The following SGF29 variants were observed in gnomAD, a reference collection of about 807,000 sequenced individuals.
SGF29 encodes the protein SAGA complex associated factor 29, also known as SAGA-associated factor 29.
Under a neutral mutation model 38.1 loss-of-function variants are expected in SGF29, and 15 were observed. The observed-to-expected ratio is 0.39, with a 90% CI of 0.26 to 0.61. SGF29 has a LOEUF of 0.61. Among genes scored for constraint, SGF29 ranks in the 20% least tolerant of loss-of-function variants. SGF29 has a pLI of 0.49. For synonymous variants in SGF29, 151 were observed against 160.8 expected, an observed-to-expected ratio of 0.94 and a Z score of 0.46; for missense variants, 184 against 394.6, an observed-to-expected ratio of 0.47 and a Z score of 4.52.
intron 2 of SGF29, among the ~76,000 whole-genome samples, chr16:28,582,542 C>CGCAGGGCA (rs2046932323): frequency 6.6e-6 from 1 of 152,100 alleles, no homozygotes; most frequent in Non-Finnish European, 1.5e-5. Flanking sequence ...GGGGAGACTG[C>CGCAGGGCA]GCAGGGCAGA....
rs77866277 is a variant in SGF29 at position 28,557,001 on chromosome 16, G to A, written c.-16+2904G>A. On this transcript the variant is annotated intron_variant, in intron 1 of 9. Transcript: ENST00000317058. ...TGAGAGTGTGGGATGTGAGTGTGGG[G>A]TATTAGGTTCCTCTTTCCCTTTGAC... is the stretch of plus-strand genomic sequence containing the variant. Among the ~76,000 whole-genome samples, 246 of 152,220 alleles carry A rather than the reference G, an allele frequency of 1.6e-3. 1 individual carries two copies. The highest frequency in any genetic ancestry group is 5.6e-3 in the African/African-American group (233 of 41,518).
chr16:28,580,703 G>T (rs915509508), intron 1 of SGF29, among the ~76,000 whole-genome samples: 3 of 152,158 alleles, frequency 2.0e-5, no homozygotes, highest in African/African-American at 7.2e-5. Context: ...CTTTTAAAGG[G>T]ATAGGGTGTC....
At chr16:28,562,809 T>A (rs1223038851) in intron 1 of SGF29, among the ~76,000 whole-genome samples, 5 of 136,038 alleles carry the variant, frequency 3.7e-5, no homozygotes, top group Non-Finnish European at 7.6e-5. Flanking sequence ...GAGGCTGAGG[T>A]GGGAGGATCA....
At chr16:28,575,574 A>G (rs1457139408) in intron 1 of SGF29, among the ~76,000 whole-genome samples, 1 of 152,146 alleles carries the variant, frequency 6.6e-6, no homozygotes, top group Non-Finnish European at 1.5e-5. Flanking sequence ...AATCCCAGCT[A>G]CTCAGGAGGC....
At chr16:28,572,084 A>G (rs1408436979) in intron 1 of SGF29, among the ~76,000 whole-genome samples, 2 of 150,066 alleles carry the variant, frequency 1.3e-5, no homozygotes, top group Admixed American at 6.6e-5. Context: ...GGTTCACGCC[A>G]TTCTGCCTCA....
intron 1 of SGF29, among the ~76,000 whole-genome samples, chr16:28,572,891 A>G (rs549597133): frequency 7.9e-4 from 118 of 149,280 alleles, no homozygotes; most frequent in African/African-American, 2.7e-3. Context: ...AACTCCCCCC[A>G]GCCACGTGTT....
chr16:28,564,727 ACATATATATGTATATATG>A (rs1567286008), intron 1 of SGF29, among the ~76,000 whole-genome samples: 8 of 40,454 alleles, frequency 2.0e-4, no homozygotes, highest in East Asian at 6.3e-4. Flanking sequence ...GTATATATAT[ACATATATATGTATATATG>A]TATATATATG....
At chr16:28,591,393 T>G (rs2046989702) in intron 9 of SGF29, among the ~76,000 whole-genome samples, 197 bp from the exon 10 acceptor site, 1 of 152,184 alleles carries the variant, frequency 6.6e-6, no homozygotes, top group Admixed American at 6.5e-5. Context: ...ATTCCCTGCC[T>G]TGGGTCTCCA....
intron 1 of SGF29, among the ~76,000 whole-genome samples, chr16:28,558,458 T>C (rs1431525189): frequency 6.6e-6 from 1 of 151,978 alleles, no homozygotes; most frequent in African/African-American, 2.4e-5. Flanking sequence ...AGAGCCTCGC[T>C]ATGTTGACAA....
chr16:28,579,260 T>C (rs1334906514), intron 1 of SGF29, among the ~76,000 whole-genome samples: 2 of 147,350 alleles, frequency 1.4e-5, no homozygotes, highest in African/African-American at 5.0e-5. Context: ...TAATTATCTT[T>C]TTTTTTTTTT....
chr16:28,554,965 C>G (rs1012459121), intron 1 of SGF29, among the ~76,000 whole-genome samples: 5 of 152,214 alleles, frequency 3.3e-5, no homozygotes, highest in African/African-American at 1.2e-4. Context: ...TCTGGCTTCT[C>G]CTCTGCTGAT....
At chr16:28,564,808 A>AACAC (rs1161981851) in intron 1 of SGF29, among the ~76,000 whole-genome samples, 2 of 134,156 alleles carry the variant, frequency 1.5e-5, no homozygotes, top group African/African-American at 2.8e-5. Flanking sequence ...CACACACACA[A>AACAC]ACACACACAC....
At chr16:28,564,737 GTATATATGTA>G (rs1485819817) in intron 1 of SGF29, among the ~76,000 whole-genome samples, 19 of 11,352 alleles carry the variant, frequency 1.7e-3, no homozygotes, top group Middle Eastern at 0.1. Context: ...ACATATATAT[GTATATATGTA>G]TATATATGTA....
chr16:28,564,722 T>C (rs867570709), intron 1 of SGF29, among the ~76,000 whole-genome samples: 1 of 79,880 alleles, frequency 1.3e-5, no homozygotes, highest in South Asian at 3.8e-4. Context: ...TATATGTATA[T>C]ATATACATAT....
chr16:28,590,687 A>T lies in SGF29; in HGVS notation c.602+21A>T, dbSNP rs780459759. On this transcript the variant is annotated intron_variant, in intron 8 of 9. Transcript: ENST00000317058. This position sits in a 1 kb window ranked among gnomAD's most constrained non-coding sequence, Gnocchi z 8.2. The stretch of plus-strand genomic sequence containing the variant: ...AAAGAGTGAGTGTCCAGGCCAGGGC[A>T]GGGCATGGAGCCTGGGGGCAGCCTA... The T allele has an allele frequency of 1.4e-5, 22 of 1,613,996 alleles. 1 individual carries two copies. Among genetic ancestry groups the T allele is most frequent in the Non-Finnish European group, 1.9e-5 (22 of 1,179,972 alleles).
At chr16:28,579,090 A>G (rs1455921815) in intron 1 of SGF29, among the ~76,000 whole-genome samples, 2 of 152,010 alleles carry the variant, frequency 1.3e-5, no homozygotes, top group Non-Finnish European at 2.9e-5. Context: ...CCCAGCTTGA[A>G]CAAACTTTGT....
intron 1 of SGF29, among the ~76,000 whole-genome samples, chr16:28,571,591 TAAAAA>T (rs143979584): frequency 1.6e-5 from 2 of 127,314 alleles, no homozygotes; most frequent in African/African-American, 2.9e-5. Flanking sequence ...GACTCCGCCT[TAAAAA>T]AAAAAAAAAA....
At chr16:28,577,827 A>G (rs962331000) in intron 1 of SGF29, among the ~76,000 whole-genome samples, 6 of 152,206 alleles carry the variant, frequency 3.9e-5, no homozygotes, top group Non-Finnish European at 1.5e-5. Flanking sequence ...AACCAGATTC[A>G]TTCTTTTACA....
intron 1 of SGF29, among the ~76,000 whole-genome samples, chr16:28,569,434 T>TTGA (rs2046852070): frequency 1.3e-5 from 2 of 151,978 alleles, no homozygotes; most frequent in South Asian, 4.1e-4. Context: ...TTGAGGCAGG[T>TTGA]GGATCACTTG....
Sources: gnomAD v4.1 joint callset for allele counts (sites outside exome capture counted in the v4.1 genomes callset) on GRCh38, gnomAD v4.1.1 for gene constraint, Gnocchi (gnomAD v3.1) non-coding constraint, MANE v1.5 for transcripts, NCBI Gene and HGNC (gene_info 2026-07-23, HGNC 2026-07-21) for gene names.